Variants in MBD5 observed in about 807,000 individuals in gnomAD.
MBD5 encodes the protein methyl-CpG binding domain protein 5.
MBD5 carries 13 observed loss-of-function variants against 117.3 expected under a neutral mutation model. That is an observed-to-expected ratio of 0.11 (90% confidence interval 0.07 to 0.18). The LOEUF is 0.18. MBD5 is among the 10% of genes least tolerant of loss of function. The probability of loss-of-function intolerance (pLI) is 1.00; values close to 1 mark genes in which losing one functional copy is unlikely to be tolerated. For synonymous variants in MBD5, 727 were observed against 766.4 expected (o/e 0.95, Z 0.85); for missense variants, 1,879 against 2,093.8 (o/e 0.90, Z 2.00).
chr2:148,351,728 A>G (rs1703253922), intron 4 of MBD5, among the ~76,000 whole-genome samples: 1 of 152,040 alleles, frequency 6.6e-6, no homozygotes, highest in Non-Finnish European at 1.5e-5. Flanking sequence ...AAGCACCTGG[A>G]CCCTAATCCC....
chr2:148,079,556 C>T (rs1440500607), intron 1 of MBD5, among the ~76,000 whole-genome samples: 1 of 151,798 alleles, frequency 6.6e-6, no homozygotes, highest in Non-Finnish European at 1.5e-5. Context: ...TGTCTACTCT[C>T]CTCTCTTAAA....
At chr2:148,228,020 T>C (rs1178118191) in intron 2 of MBD5, among the ~76,000 whole-genome samples, 1 of 152,204 alleles carries the variant, frequency 6.6e-6, no homozygotes, top group Non-Finnish European at 1.5e-5. Context: ...GCTGAGACAA[T>C]GTGGTTTTCT....
At chr2:148,417,325 G>A (rs1705454284) in intron 4 of MBD5, among the ~76,000 whole-genome samples, 1 of 128,402 alleles carries the variant, frequency 7.8e-6, no homozygotes, top group South Asian at 2.5e-4. Context: ...TTTTAGTAGA[G>A]ATGGGGTTTT....
In MBD5 at chr2:148,361,788, C is replaced by A. The variant is rs188275345; in HGVS notation, c.-557+19452C>A. Among the ~76,000 whole-genome samples the A allele has an allele frequency of 1.0e-3, 158 of 152,254 alleles. 2 individuals carry two copies. The East Asian group carries it at 0.028, about 27-fold the overall frequency. ...CTCCCAGCGAGATCAACGCAGAAGGCGGGTAATTTCTGTATTTCTAACTGA... is the reference window on the plus strand; with the variant it reads ...CTCCCAGCGAGATCAACGCAGAAGGAGGGTAATTTCTGTATTTCTAACTGA... On this transcript the variant is annotated intron_variant, in intron 4 of 13. Coordinates refer to ENST00000642680, the MANE Select transcript of MBD5 (RefSeq NM_001378120.1).
intron 3 of MBD5, among the ~76,000 whole-genome samples, chr2:148,337,854 A>G (rs563013674): frequency 5.9e-5 from 9 of 152,298 alleles, no homozygotes; most frequent in African/African-American, 2.2e-4. Flanking sequence ...ACTTTACTGA[A>G]GGCTGCATAA....
rs115054216 is a variant in MBD5, at chr2:148,105,840, T to C, written c.-924-72860T>C. 9.1e-3 allele frequency among the ~76,000 whole-genome samples: 1,391 copies of C among 152,262 alleles called. 16 individuals carry two copies. Among genetic ancestry groups the C allele is most frequent in the African/African-American group, 0.032 (1,330 of 41,570 alleles). On this transcript the variant is annotated intron_variant, in intron 1 of 13. Transcript: ENST00000642680. ...ATAAAATTAAAATTCTCATCAAATATTGCTTTTGCTATATACAACAAAATT... is the reference window on the plus strand; with the variant it reads ...ATAAAATTAAAATTCTCATCAAATACTGCTTTTGCTATATACAACAAAATT...
Position 148,515,316 on chromosome 2 carries a change from ATAAGTAGACC to A in MBD5, c.*2376_*2385del, listed in dbSNP as rs776854452. The A allele has an allele frequency of 3.3e-5, 5 of 152,184 alleles. No individual in the cohort carries two copies. Among genetic ancestry groups the A allele is most frequent in the Non-Finnish European group, 4.4e-5 (3 of 68,048 alleles). The allele number at this position is 152,184 out of a possible 1,614,324, so 9.4% of individuals were successfully genotyped here. On this transcript the variant is annotated 3_prime_UTR_variant, in exon 14 of 14. Transcript: ENST00000642680. ...GCTTCCCTCCCATTGTATACTTTAC[ATAAGTAGACC>A]ATGTAAAGTATGTTTGTGCCCATGA...
intron 2 of MBD5, among the ~76,000 whole-genome samples, chr2:148,229,491 C>T (rs1699928721): frequency 6.6e-6 from 1 of 152,082 alleles, no homozygotes; most frequent in African/African-American, 2.4e-5. Flanking sequence ...AGAATTGGTC[C>T]CTGGTGCCTT....
chr2:148,421,937 A>G (rs1705620801), intron 4 of MBD5, among the ~76,000 whole-genome samples: 1 of 152,192 alleles, frequency 6.6e-6, no homozygotes, highest in Non-Finnish European at 1.5e-5. Context: ...CCCAGTCAGG[A>G]GCTTACAGAT....
chr2:148,230,053 T>G (rs951333591), intron 2 of MBD5, among the ~76,000 whole-genome samples: 5 of 152,196 alleles, frequency 3.3e-5, no homozygotes, highest in African/African-American at 1.2e-4. Context: ...ACTCCTGGGC[T>G]TCAGCCTGTG....
chr2:148,107,023 C>T (rs1574020950), intron 1 of MBD5, among the ~76,000 whole-genome samples: 1 of 151,888 alleles, frequency 6.6e-6, no homozygotes, highest in African/African-American at 2.4e-5. Flanking sequence ...TCAACTTATC[C>T]TACTTACTCT....
intron 1 of MBD5, chr2:148,062,511 T>A (rs1695066144): frequency 6.6e-6 from 1 of 151,994 alleles, no homozygotes; most frequent in Non-Finnish European, 1.5e-5. Flanking sequence ...TTCTACAAGC[T>A]CAGTGTAATG....
At chr2:148,454,949 T>C (rs2034269) in intron 4 of MBD5, among the ~76,000 whole-genome samples, 30,774 of 152,112 alleles carry the variant, frequency 0.2, 3,809 homozygotes, top group Middle Eastern at 0.37. Flanking sequence ...TAGGGTAGCA[T>C]TGTCATTTTA....
rs990827314 is a variant in MBD5 at position 148,200,419 on chromosome 2, C to T, written c.-831+21626C>T. The stretch of plus-strand genomic sequence containing the variant: ...CAGAAATGTGATCTGGGGCTGGGCG[C>T]GGTGGCTCATGCCTGTAATCCCAGC... On this transcript the variant is annotated intron_variant, in intron 2 of 13. Coordinates refer to ENST00000642680, the MANE Select transcript of MBD5 (RefSeq NM_001378120.1). Among the ~76,000 whole-genome samples the T allele has an allele frequency of 5.3e-5, 8 of 152,176 alleles. No homozygotes were observed. The East Asian group carries it at 1.2e-3, about 22-fold the overall frequency.
chr2:148,126,143 C>T (rs1174661391), intron 1 of MBD5, among the ~76,000 whole-genome samples: 1 of 151,980 alleles, frequency 6.6e-6, no homozygotes, highest in African/African-American at 2.4e-5. Flanking sequence ...ACCTGTAATC[C>T]CAAGCCCTTT....
At chr2:148,151,549 T>C (rs1323800478) in intron 1 of MBD5, among the ~76,000 whole-genome samples, 1 of 152,224 alleles carries the variant, frequency 6.6e-6, no homozygotes, top group Admixed American at 6.5e-5. Context: ...CTGGTAAAAT[T>C]CGGCATGAAT....
chr2:148,069,948 T>C (rs945910022), intron 1 of MBD5, among the ~76,000 whole-genome samples: 3 of 152,208 alleles, frequency 2.0e-5, no homozygotes, highest in Non-Finnish European at 2.9e-5. Flanking sequence ...GTGGGGAACA[T>C]TTCAAGTCCT....
At chr2:148,497,768 G>A (rs1206932999) in intron 11 of MBD5, among the ~76,000 whole-genome samples, 3 of 148,158 alleles carry the variant, frequency 2.0e-5, no homozygotes, top group Non-Finnish European at 4.4e-5. Flanking sequence ...CTGGGTGACA[G>A]AGTGGAGACC....
intron 1 of MBD5, among the ~76,000 whole-genome samples, chr2:148,049,418 A>G (rs1694630457): frequency 6.6e-6 from 1 of 152,170 alleles, no homozygotes. Context: ...GCTAGTTAGG[A>G]CTATGGCAAT....
Sources: allele counts gnomAD v4.1 joint callset (sites outside exome capture counted in the v4.1 genomes callset), GRCh38; gene constraint gnomAD v4.1.1; transcripts MANE v1.5; gene names NCBI Gene and HGNC (gene_info 2026-07-23, HGNC 2026-07-21).